The following WASHC3 variants were observed in gnomAD, a reference collection of about 807,000 sequenced individuals.
WASHC3 encodes WASH complex subunit CCDC53.
A neutral mutation model predicts 26.1 loss-of-function variants in WASHC3; 24 were observed. The ratio of observed to expected loss-of-function variants is 0.92; its 90% CI spans 0.66 to 1.29. The LOEUF (loss-of-function observed/expected upper bound fraction) is 1.29, where lower values mean the gene tolerates loss of function less well. Among genes scored for constraint, WASHC3 ranks in the 50% most tolerant of loss-of-function variants. The probability of loss-of-function intolerance (pLI) is 0.00; values close to 1 mark genes in which losing one functional copy is unlikely to be tolerated. For synonymous variants in WASHC3, 77 were observed against 75.7 expected, an observed-to-expected ratio of 1.02 and a Z score of -0.09; for missense variants, 214 against 229.6, an observed-to-expected ratio of 0.93 and a Z score of 0.44.
chr12:102,029,788 C>T (rs1388774978), intron 5 of WASHC3, among the ~76,000 whole-genome samples: 1 of 151,916 alleles, frequency 6.6e-6, no homozygotes, highest in Non-Finnish European at 1.5e-5. Flanking sequence ...TCTTCCCTAC[C>T]TAAGGCAACA....
intron 5 of WASHC3, among the ~76,000 whole-genome samples, chr12:102,037,403 A>G (rs1166050136): frequency 6.6e-6 from 1 of 152,168 alleles, no homozygotes; most frequent in Admixed American, 6.5e-5. Context: ...CGTAAAGGGA[A>G]TTGGGTAGGA....
chr12:102,027,896 A>T (rs1877267633), intron 5 of WASHC3, among the ~76,000 whole-genome samples: 1 of 152,172 alleles, frequency 6.6e-6, no homozygotes, highest in Non-Finnish European at 1.5e-5. Flanking sequence ...TGAATACTTA[A>T]ATGCATTCTA....
chr12:102,022,640 G>A (rs1183338697), intron 6 of WASHC3, among the ~76,000 whole-genome samples: 1 of 152,176 alleles, frequency 6.6e-6, no homozygotes. Context: ...TAACTATCAT[G>A]AATTTCATGG....
At chr12:102,048,382 T>C (rs1376087326) in intron 2 of WASHC3, 1 of 152,054 alleles carries the variant, frequency 6.6e-6, no homozygotes, top group Admixed American at 6.6e-5. Context: ...GTCAACATGG[T>C]GAAACCCCAA....
chr12:102,016,555 A>G (rs757805458), intron 6 of WASHC3, among the ~76,000 whole-genome samples: 1 of 152,190 alleles, frequency 6.6e-6, no homozygotes, highest in Non-Finnish European at 1.5e-5. Context: ...AAAAAAAGTT[A>G]ACGTTAAACA....
Position 102,061,296 on chromosome 12 carries a change from C to A in WASHC3, c.102G>T (p.Val34=). ...KRTVAFLNQF[V]VHTVQFLNRF... ...GGTTGAGGAACTGTACAGTGTGCAC[C>A]ACAAATTGGTTTAGAAAAGCCACCG... Residue 34 remains valine (V), a synonymous_variant, in exon 2 of 7, where the codon GTG becomes GTT. Transcript: ENST00000240079. 6.2e-7 allele frequency: 1 copy of A among 1,613,894 alleles called. No individual in the cohort carries two copies. Among genetic ancestry groups the A allele is most frequent in the Non-Finnish European group, 8.5e-7 (1 of 1,179,842 alleles).
intron 6 of WASHC3, among the ~76,000 whole-genome samples, chr12:102,014,387 A>G (rs1876612640): frequency 6.6e-6 from 1 of 152,108 alleles, no homozygotes; most frequent in Non-Finnish European, 1.5e-5. Context: ...CTGTATCTTA[A>G]TAATTACAAA....
At chr12:102,030,848 T>C (rs1443375088) in intron 5 of WASHC3, among the ~76,000 whole-genome samples, 1 of 152,210 alleles carries the variant, frequency 6.6e-6, no homozygotes, top group African/African-American at 2.4e-5. Flanking sequence ...CCTTCACTCT[T>C]CTAGCTTTAT....
intron 5 of WASHC3, among the ~76,000 whole-genome samples, chr12:102,038,855 G>A (rs1191740347): frequency 6.6e-6 from 1 of 152,030 alleles, no homozygotes; most frequent in African/African-American, 2.4e-5. Flanking sequence ...TAAATTACTA[G>A]GTGATAAACT....
chr12:102,050,451 C>G (rs1035753806), intron 2 of WASHC3: 2 of 389,758 alleles, frequency 5.1e-6, no homozygotes, highest in African/African-American at 4.6e-5. Context: ...GATGCCATCT[C>G]TAACACACAC....
chr12:102,045,173 A>G (rs930278862), intron 3 of WASHC3, among the ~76,000 whole-genome samples: 2 of 152,190 alleles, frequency 1.3e-5, no homozygotes, highest in Non-Finnish European at 2.9e-5. Flanking sequence ...ACTGATAACC[A>G]TAGTTAGCAC....
At chr12:102,019,248 T>C (rs984572560) in intron 6 of WASHC3, 3 of 199,514 alleles carry the variant, frequency 1.5e-5, no homozygotes, top group Non-Finnish European at 3.2e-5. Context: ...TAAAGCCTTA[T>C]AAATATTACT....
At chr12:102,023,641 T>C (rs1004368128) in intron 6 of WASHC3, among the ~76,000 whole-genome samples, 23 of 152,152 alleles carry the variant, frequency 1.5e-4, no homozygotes, top group African/African-American at 5.6e-4. Context: ...ACTGCACTTA[T>C]CACATCTAGC....
chr12:102,013,207 A>G lies in WASHC3; in HGVS notation c.501-15T>C. ...CATCTGGCCTCCTAAAAGAAAAGAA[A>G]AAAAAATTTCAAAGGTCTTTTCCAA... is the stretch of plus-strand genomic sequence containing the variant. On this transcript the variant is annotated splice_polypyrimidine_tract_variant and intron_variant, in intron 6 of 6. Coordinates refer to ENST00000240079, the MANE Select transcript of WASHC3 (RefSeq NM_016053.4). 7.1e-7 allele frequency: 1 copy of G among 1,405,984 alleles called. No homozygotes were observed. The highest frequency in any genetic ancestry group is 1.3e-5 in the South Asian group (1 of 78,014). 87.1% of individuals were successfully genotyped at this position (1,405,984 alleles called of 1,614,324 possible). A position where few individuals can be genotyped will look rare whatever the true frequency, so the allele number is the denominator to read the frequency against.
chr12:102,018,713 T>C (rs1481015145), intron 6 of WASHC3, among the ~76,000 whole-genome samples: 1 of 152,246 alleles, frequency 6.6e-6, no homozygotes, highest in Non-Finnish European at 1.5e-5. Flanking sequence ...CAAGTGATTC[T>C]CCACCCTTGG....
intron 2 of WASHC3, among the ~76,000 whole-genome samples, chr12:102,051,511 AG>A (rs1565820738): frequency 6.6e-6 from 1 of 152,258 alleles, no homozygotes; most frequent in Non-Finnish European, 1.5e-5. Flanking sequence ...GTCTAAAAAT[AG>A]ATTTTAATAT....
At chr12:102,038,582 C>T (rs976674722) in intron 5 of WASHC3, among the ~76,000 whole-genome samples, 1 of 152,068 alleles carries the variant, frequency 6.6e-6, no homozygotes, top group African/African-American at 2.4e-5. Context: ...TAAGCTTAGG[C>T]TTTCCTGGGT....
chr12:102,016,867 G>C (rs1317648476), intron 6 of WASHC3, among the ~76,000 whole-genome samples: 1 of 151,964 alleles, frequency 6.6e-6, no homozygotes, highest in Non-Finnish European at 1.5e-5. Flanking sequence ...TAGTTAAAAA[G>C]GTAAAAAGTT....
At chr12:102,058,451 A>T (rs1243365850) in intron 2 of WASHC3, among the ~76,000 whole-genome samples, 3 of 152,134 alleles carry the variant, frequency 2.0e-5, no homozygotes, top group African/African-American at 7.2e-5. Flanking sequence ...TAGAATCTGG[A>T]TTTTAAATTA....
Sources: gnomAD v4.1 joint callset for allele counts (sites outside exome capture counted in the v4.1 genomes callset) on GRCh38, gnomAD v4.1.1 for gene constraint, MANE v1.5 for transcripts, NCBI Gene and HGNC (gene_info 2026-07-23, HGNC 2026-07-21) for gene names.